CAMTA1: variants seen among roughly 807,000 people sequenced by gnomAD.
The protein encoded by CAMTA1 is calmodulin binding transcription activator 1, also known as calmodulin-binding transcription activator 1.
CAMTA1 carries 27 observed loss-of-function variants against 170.9 expected under a neutral mutation model. The ratio of observed to expected loss-of-function variants is 0.16; its 90% CI spans 0.12 to 0.22. The LOEUF is 0.22. Ranked by LOEUF, CAMTA1 falls within the 10% of genes least tolerant of loss-of-function variation. The pLI is 1.00. For synonymous variants in CAMTA1, 833 were observed against 891.5 expected, an observed-to-expected ratio of 0.93 and a Z score of 1.17; for missense variants, 1,619 against 2,217.2, an observed-to-expected ratio of 0.73 and a Z score of 5.42.
chr1:7,520,212 T>C (rs1204889531), intron 6 of CAMTA1, among the ~76,000 whole-genome samples: 4 of 176 alleles, frequency 0.023, no homozygotes, highest in East Asian at 0.1. Context: ...CTCCTCCTCC[T>C]CCTCCTCCTC....
At chr1:7,667,966 C>A (rs2096015987) in intron 9 of CAMTA1, among the ~76,000 whole-genome samples, 1 of 152,198 alleles carries the variant, frequency 6.6e-6, no homozygotes, top group Non-Finnish European at 1.5e-5. Context: ...CCTCTCCTAC[C>A]CAGGCCACTG....
At chr1:6,975,053 C>T (rs1050059257) in intron 3 of CAMTA1, among the ~76,000 whole-genome samples, 1 of 152,212 alleles carries the variant, frequency 6.6e-6, no homozygotes, top group Non-Finnish European at 1.5e-5. Flanking sequence ...ACCCATGGTC[C>T]TTCTCGTGAA....
Position 7,767,529 on chromosome 1 carries a change from A to G in CAMTA1, c.*1038A>G, listed in dbSNP as rs972936072. ...TGTATATATAGAAGGTAGAAATGAAAAGTGAGAAAATATTTGAAAGGGATT... is the reference window on the plus strand; with the variant it reads ...TGTATATATAGAAGGTAGAAATGAAGAGTGAGAAAATATTTGAAAGGGATT... On this transcript the variant is annotated 3_prime_UTR_variant, in exon 23 of 23. Coordinates refer to ENST00000303635, the MANE Select transcript of CAMTA1 (RefSeq NM_015215.4). 6.5e-6 allele frequency: 1 copy of G among 152,810 alleles called. No homozygotes were observed. Among genetic ancestry groups the G allele is most frequent in the African/African-American group, 2.4e-5 (1 of 41,462 alleles). 9.5% of individuals were successfully genotyped at this position (152,810 alleles called of 1,614,324 possible).
intron 7 of CAMTA1, among the ~76,000 whole-genome samples, chr1:7,643,315 C>A (rs554749381): frequency 6.6e-6 from 1 of 152,310 alleles, no homozygotes; most frequent in Admixed American, 6.5e-5. Flanking sequence ...GGGGAGCAGC[C>A]CCAATCCCCT....
rs778937533 is a variant in CAMTA1, at chr1:7,443,359, T to C, written c.439-24471T>C. ...CCATGGCAAGCCTAGCTAGTACTTG[T>C]TGAGTTAGTAGATGCTGCATCAAGG... is the stretch of plus-strand genomic sequence containing the variant. On this transcript the variant is annotated intron_variant, in intron 5 of 22. Coordinates refer to ENST00000303635, the MANE Select transcript of CAMTA1 (RefSeq NM_015215.4). The surrounding 1 kb of genome is among the most constrained non-coding windows in gnomAD (Gnocchi z 4.1). Among the ~76,000 whole-genome samples, 26 of 152,256 alleles carry C rather than the reference T, an allele frequency of 1.7e-4. No homozygotes were observed. Among genetic ancestry groups the C allele is most frequent in the Non-Finnish European group, 3.5e-4 (24 of 68,024 alleles).
rs111614750 is a variant in CAMTA1, at chr1:7,211,697, G to A, written c.303-37794G>A. Among the ~76,000 whole-genome samples the A allele has an allele frequency of 8.6e-3, 1,309 of 152,226 alleles. 23 individuals are homozygous for A. The highest frequency in any genetic ancestry group is 0.03 in the African/African-American group (1,235 of 41,544). Reference sequence around the variant, plus strand: ...ATTAGCTCAATCTCTAATGAGCCCCGGCTCCTTTCAGCAGAGAATGGTTTC... The same window carrying A: ...ATTAGCTCAATCTCTAATGAGCCCCAGCTCCTTTCAGCAGAGAATGGTTTC... On this transcript the variant is annotated intron_variant, in intron 4 of 22. Transcript: ENST00000303635.
chr1:6,947,147 CTCTA>C (rs1187872837), intron 3 of CAMTA1, among the ~76,000 whole-genome samples: 3 of 152,186 alleles, frequency 2.0e-5, no homozygotes, highest in Admixed American at 2.0e-4. Flanking sequence ...CTTCTGAACT[CTCTA>C]TCTCTGTGCA....
In CAMTA1 at chr1:7,379,217, T is replaced by C. The variant is rs373330178; in HGVS notation, c.439-88613T>C. Among the ~76,000 whole-genome samples, 12 of 152,366 alleles carry C rather than the reference T, an allele frequency of 7.9e-5. No individual in the cohort carries two copies. The South Asian group carries it at 1.9e-3, about 24-fold the overall frequency. ...TCTCAGTATTACAATTTATACACAATGCTGCTTTCTTTATACCCTAGAGCA... is the reference window on the plus strand; with the variant it reads ...TCTCAGTATTACAATTTATACACAACGCTGCTTTCTTTATACCCTAGAGCA... On this transcript the variant is annotated intron_variant, in intron 5 of 22. Coordinates refer to ENST00000303635, the MANE Select transcript of CAMTA1 (RefSeq NM_015215.4).
intron 3 of CAMTA1, among the ~76,000 whole-genome samples, chr1:6,990,687 C>T (rs1397233915): frequency 1.3e-5 from 2 of 152,030 alleles, no homozygotes; most frequent in Non-Finnish European, 2.9e-5. Flanking sequence ...TGCTCTCCTA[C>T]CCCCAGGCAA....
chr1:7,026,119 T>TA (rs142217266), intron 3 of CAMTA1, among the ~76,000 whole-genome samples: 175 of 136,780 alleles, frequency 1.3e-3, no homozygotes, highest in Middle Eastern at 3.7e-3. Context: ...GACCCTGCCT[T>TA]AAAAAAAAAA....
chr1:7,352,092 G>T (rs1364367801), intron 5 of CAMTA1, among the ~76,000 whole-genome samples: 1 of 152,050 alleles, frequency 6.6e-6, no homozygotes, highest in Non-Finnish European at 1.5e-5. Flanking sequence ...TGGCTCCCCC[G>T]CCATGGCTGG....
chr1:7,682,441 C>T lies in CAMTA1; in HGVS notation c.2914+4708C>T, dbSNP rs12119962. ...GGCCTCTTGGTTTGGCCTTCTGATCCGTCCACGCTCTCTGTGCTAACAGAT... is the reference window on the plus strand; with the variant it reads ...GGCCTCTTGGTTTGGCCTTCTGATCTGTCCACGCTCTCTGTGCTAACAGAT... On this transcript the variant is annotated intron_variant, in intron 11 of 22. Transcript: ENST00000303635. The surrounding 1 kb of genome is among the most constrained non-coding windows in gnomAD (Gnocchi z 5.0). Among the ~76,000 whole-genome samples, 23,631 of 152,260 alleles carry T rather than the reference C, an allele frequency of 0.16. 2,313 individuals carry two copies. Among genetic ancestry groups the T allele is most frequent in the South Asian group, 0.27 (1,320 of 4,822 alleles).
intron 6 of CAMTA1, among the ~76,000 whole-genome samples, chr1:7,613,973 T>G (rs1367459572): frequency 9.0e-4 from 11 of 12,172 alleles, no homozygotes; most frequent in Admixed American, 2.2e-3. Flanking sequence ...AGGAGAGCAA[T>G]GGGTGGGGAG....
At chr1:7,112,430 A>C (rs764434921) in intron 4 of CAMTA1, among the ~76,000 whole-genome samples, 2 of 152,090 alleles carry the variant, frequency 1.3e-5, no homozygotes, top group Non-Finnish European at 2.9e-5. Context: ...GATTGAGATG[A>C]TTTTCCCCAT....
In CAMTA1 at chr1:7,360,560, G is replaced by T. The variant is rs532161514; in HGVS notation, c.439-107270G>T. 2.6e-5 allele frequency among the ~76,000 whole-genome samples: 4 copies of T among 152,312 alleles called. No homozygotes were observed. In the South Asian group the frequency reaches 6.2e-4, roughly 24 times the overall value. On this transcript the variant is annotated intron_variant, in intron 5 of 22. Coordinates refer to ENST00000303635, the MANE Select transcript of CAMTA1 (RefSeq NM_015215.4). ...CTACCTTGGAGGATTGATTGATCTGGGATCAAATGAGGTCAAAGATGACAA... is the reference window on the plus strand; with the variant it reads ...CTACCTTGGAGGATTGATTGATCTGTGATCAAATGAGGTCAAAGATGACAA...
intron 11 of CAMTA1, chr1:7,694,379 T>C (rs2096351887): frequency 6.6e-6 from 1 of 152,182 alleles, no homozygotes. Context: ...AGCTCCAGTT[T>C]TCCTAGATGG....
intron 17 of CAMTA1, 41 bp downstream of exon 17, chr1:7,745,063 C>A: frequency 6.5e-7 from 1 of 1,543,564 alleles, no homozygotes; most frequent in South Asian, 1.2e-5. Context: ...CATAGATTCC[C>A]GGATGTAATT....
chr1:7,705,015 G>A (rs987422444), intron 11 of CAMTA1, among the ~76,000 whole-genome samples: 3 of 146,596 alleles, frequency 2.0e-5, no homozygotes, highest in Non-Finnish European at 4.5e-5. Context: ...CTCGCGGGCC[G>A]GGGGCGTGGT....
intron 3 of CAMTA1, among the ~76,000 whole-genome samples, chr1:6,853,523 A>G (rs2148827431): frequency 6.6e-6 from 1 of 152,360 alleles, no homozygotes; most frequent in South Asian, 2.1e-4. Flanking sequence ...GACCAAAAAC[A>G]GAAACAGAGC....
Sources: gnomAD v4.1 joint callset for allele counts (sites outside exome capture counted in the v4.1 genomes callset) on GRCh38, gnomAD v4.1.1 for gene constraint, Gnocchi (gnomAD v3.1) non-coding constraint, MANE v1.5 for transcripts, NCBI Gene and HGNC (gene_info 2026-07-23, HGNC 2026-07-21) for gene names.